The following GRM1 variants were observed in gnomAD, a reference collection of about 807,000 sequenced individuals.
The protein encoded by GRM1 is glutamate metabotropic receptor 1, also known as metabotropic glutamate receptor 1.
Under a neutral mutation model 90.9 loss-of-function variants are expected in GRM1, and 33 were observed. The ratio of observed to expected loss-of-function variants is 0.36; its 90% CI spans 0.28 to 0.49. The LOEUF is 0.49. Among genes scored for constraint, GRM1 ranks in the 20% least tolerant of loss-of-function variants. GRM1 has a pLI of 0.99. For synonymous variants in GRM1, 700 were observed against 613.2 expected (o/e 1.14, Z -2.09); for missense variants, 1,190 against 1,534.3 (o/e 0.78, Z 3.75).
At chr6:146,396,238 C>G (rs1776930498) in intron 6 of GRM1, among the ~76,000 whole-genome samples, 1 of 152,182 alleles carries the variant, frequency 6.6e-6, no homozygotes, top group South Asian at 2.1e-4. Flanking sequence ...TGTATTTAGA[C>G]AGAGACAAAT....
intron 1 of GRM1, among the ~76,000 whole-genome samples, chr6:146,154,780 A>G (rs1450335390): frequency 6.6e-6 from 1 of 152,178 alleles, no homozygotes; most frequent in Non-Finnish European, 1.5e-5. Flanking sequence ...AAAATTTTGA[A>G]AACTACTGCC....
intron 1 of GRM1, among the ~76,000 whole-genome samples, chr6:146,151,434 T>C (rs1190018084): frequency 1.3e-5 from 2 of 152,206 alleles, no homozygotes; most frequent in Non-Finnish European, 2.9e-5. Flanking sequence ...GAAATGTTAC[T>C]TGAGCCACCA....
At chr6:146,258,596 T>C (rs1781572642) in intron 2 of GRM1, among the ~76,000 whole-genome samples, 1 of 152,114 alleles carries the variant, frequency 6.6e-6, no homozygotes, top group South Asian at 2.1e-4. Context: ...CATAGCTCAC[T>C]GCAGCCTTGA....
chr6:146,397,388 G>A (rs1776988314), intron 6 of GRM1, among the ~76,000 whole-genome samples: 1 of 148,746 alleles, frequency 6.7e-6, no homozygotes, highest in Non-Finnish European at 1.5e-5. Context: ...GCAGGAGAAT[G>A]GCGTGAATCC....
Position 146,246,527 on chromosome 6 carries a change from C to G in GRM1, c.951-58084C>G, listed in dbSNP as rs765177550. On this transcript the variant is annotated intron_variant, in intron 2 of 7. Coordinates refer to ENST00000282753, the MANE Select transcript of GRM1 (RefSeq NM_001278064.2). The stretch of plus-strand genomic sequence containing the variant: ...TATGCTGAGAGCCAAGGGTTAAGTA[C>G]TATTTATTAATAGCTATACCTTGAA... Among the ~76,000 whole-genome samples the G allele has an allele frequency of 1.2e-4, 18 of 152,266 alleles. No homozygotes were observed. The Middle Eastern group carries it at 0.01, about 86-fold the overall frequency.
chr6:146,341,510 C>T (rs1381080921), intron 3 of GRM1, among the ~76,000 whole-genome samples: 2 of 152,156 alleles, frequency 1.3e-5, no homozygotes, highest in Non-Finnish European at 2.9e-5. Flanking sequence ...CTCATATATT[C>T]TCATCTCAAA....
At chr6:146,106,176 CT>C (rs2128872103) in intron 1 of GRM1, among the ~76,000 whole-genome samples, 1 of 152,216 alleles carries the variant, frequency 6.6e-6, no homozygotes, top group Non-Finnish European at 1.5e-5. Context: ...GGAATTATCT[CT>C]TTTGTAAAAT....
At chr6:146,414,377 TTTA>T (rs56297907) in intron 7 of GRM1, among the ~76,000 whole-genome samples, 3,940 of 145,360 alleles carry the variant, frequency 0.027, 183 homozygotes, top group African/African-American at 0.089. Context: ...CCGTTTGCCT[TTTA>T]TTATTATTAT....
At chr6:146,253,171 C>G (rs547165211) in intron 2 of GRM1, among the ~76,000 whole-genome samples, 13 of 152,136 alleles carry the variant, frequency 8.5e-5, no homozygotes, top group Non-Finnish European at 1.8e-4. Flanking sequence ...GAATTATGCT[C>G]TGTTCTGCTT....
intron 1 of GRM1, among the ~76,000 whole-genome samples, chr6:146,080,825 AT>A (rs1192863549): frequency 6.6e-6 from 1 of 152,182 alleles, no homozygotes; most frequent in African/African-American, 2.4e-5. Context: ...GGCTTAGATA[AT>A]TTCATAATTC....
rs1283459835 is a variant in GRM1 at position 146,203,147 on chromosome 6, T to C, written c.950+43550T>C. On this transcript the variant is annotated intron_variant, in intron 2 of 7. Transcript: ENST00000282753. ...AGGCGGAGCTTGCAGTGAGCCAAGA[T>C]AGCGCCACATCACTCCAGCCTGGGG... 2.6e-5 allele frequency among the ~76,000 whole-genome samples: 4 copies of C among 151,774 alleles called. No homozygotes were observed. The South Asian group carries it at 6.2e-4, about 24-fold the overall frequency.
In GRM1 at chr6:146,436,039, A is replaced by T. The variant is rs2114707090; in HGVS notation, c.*1243A>T. The T allele has an allele frequency of 6.5e-6, 1 of 152,770 alleles. No individual in the cohort carries two copies. Among genetic ancestry groups the T allele is most frequent in the African/African-American group, 2.4e-5 (1 of 41,580 alleles). The allele number at this position is 152,770 out of a possible 1,614,324, so 9.5% of individuals were successfully genotyped here. A position where few individuals can be genotyped will look rare whatever the true frequency, so the allele number is the denominator to read the frequency against. On this transcript the variant is annotated 3_prime_UTR_variant, in exon 8 of 8. Coordinates refer to ENST00000282753, the MANE Select transcript of GRM1 (RefSeq NM_001278064.2). The stretch of plus-strand genomic sequence containing the variant: ...GTTCCTGTGTCCTTGTATATGTGCG[A>T]TCGTAAAATTTGTGCAATGTAATGT...
intron 3 of GRM1, among the ~76,000 whole-genome samples, chr6:146,337,040 T>C (rs1784797085): frequency 6.6e-6 from 1 of 152,188 alleles, no homozygotes; most frequent in African/African-American, 2.4e-5. Context: ...TCCCTCTTCC[T>C]GGTTTCAGGA....
At chr6:146,101,668 A>G (rs970743721) in intron 1 of GRM1, among the ~76,000 whole-genome samples, 12 of 152,140 alleles carry the variant, frequency 7.9e-5, no homozygotes, top group African/African-American at 2.7e-4. Flanking sequence ...TTGATTTTTC[A>G]GCACTGTAGA....
intron 1 of GRM1, among the ~76,000 whole-genome samples, chr6:146,044,559 T>A (rs1791250906): frequency 6.6e-6 from 1 of 151,986 alleles, no homozygotes; most frequent in African/African-American, 2.4e-5. Flanking sequence ...CTCTTAAACC[T>A]GTTAATAAGG....
intron 2 of GRM1, among the ~76,000 whole-genome samples, chr6:146,262,323 T>G (rs532179716): frequency 6.6e-6 from 1 of 152,200 alleles, no homozygotes; most frequent in East Asian, 1.9e-4. Context: ...ATATTCGCCA[T>G]CTGACTAGAT....
chr6:146,190,236 C>A (rs1360416659), intron 2 of GRM1, among the ~76,000 whole-genome samples: 1 of 152,108 alleles, frequency 6.6e-6, no homozygotes, highest in African/African-American at 2.4e-5. Flanking sequence ...TAAAATTTTC[C>A]AGTGAAAAGC....
At chr6:146,206,727 A>C (rs1438332337) in intron 2 of GRM1, among the ~76,000 whole-genome samples, 1 of 152,058 alleles carries the variant, frequency 6.6e-6, no homozygotes, top group Non-Finnish European at 1.5e-5. Flanking sequence ...CTCATCACCC[A>C]GGTATTAACC....
chr6:146,376,398 CA>C (rs1776099603), intron 5 of GRM1, among the ~76,000 whole-genome samples: 1 of 151,984 alleles, frequency 6.6e-6, no homozygotes, highest in South Asian at 2.1e-4. Context: ...ATTTATTGTT[CA>C]TTAATGTTCT....
Sources: allele counts gnomAD v4.1 joint callset (sites outside exome capture counted in the v4.1 genomes callset), GRCh38; gene constraint gnomAD v4.1.1; transcripts MANE v1.5; gene names NCBI Gene and HGNC (gene_info 2026-07-23, HGNC 2026-07-21).